ZNF33B: variants seen among roughly 807,000 people sequenced by gnomAD.
The protein encoded by ZNF33B is zinc finger protein 33B, also known as zinc finger protein 11b (KOX 2).
In ZNF33B, 29 loss-of-function variants were observed where a neutral mutation model predicts 45.8. The observed-to-expected ratio is 0.63, with a 90% confidence interval of 0.47 to 0.86. ZNF33B has a LOEUF of 0.86. Among genes scored for constraint, ZNF33B ranks in the 40% least tolerant of loss-of-function variants. The probability of loss-of-function intolerance (pLI) is 0.00; values close to 1 mark genes in which losing one functional copy is unlikely to be tolerated. For synonymous variants in ZNF33B, 305 were observed against 307.8 expected, an observed-to-expected ratio of 0.99 and a Z score of 0.10; for missense variants, 831 against 909.9, an observed-to-expected ratio of 0.91 and a Z score of 1.12.
At chr10:42,608,414 T>C (rs7069261) in intron 4 of ZNF33B, among the ~76,000 whole-genome samples, 2,551 of 152,142 alleles carry the variant, frequency 0.017, 75 homozygotes, top group African/African-American at 0.058. Context: ...TCTTTAAAAG[T>C]ACACATGAAA....
chr10:42,619,521 A>C (rs1268625178), intron 4 of ZNF33B, among the ~76,000 whole-genome samples: 3 of 152,254 alleles, frequency 2.0e-5, no homozygotes, highest in Admixed American at 6.5e-5. Context: ...AATAAAAAGA[A>C]ACTAGACTCA....
chr10:42,581,312 A>G (rs1164793114), intron 1 of ZNF33B, among the ~76,000 whole-genome samples: 1 of 151,734 alleles, frequency 6.6e-6, no homozygotes, highest in East Asian at 1.9e-4. Context: ...AAAAATACAA[A>G]AATTAGCCAG....
chr10:42,575,281 T>C (rs561970553), intron 1 of ZNF33B, among the ~76,000 whole-genome samples: 1 of 152,016 alleles, frequency 6.6e-6, no homozygotes, highest in African/African-American at 2.4e-5. Flanking sequence ...TTCACATGCA[T>C]GGACTGAGTT....
At chr10:42,575,541 C>A (rs1301893439) in intron 1 of ZNF33B, among the ~76,000 whole-genome samples, 1 of 151,928 alleles carries the variant, frequency 6.6e-6, no homozygotes, top group Non-Finnish European at 1.5e-5. Flanking sequence ...AATCAATATA[C>A]CTCTATTTTG....
chr10:42,595,356 C>T (rs1420839215), intron 4 of ZNF33B, among the ~76,000 whole-genome samples: 1 of 152,070 alleles, frequency 6.6e-6, no homozygotes, highest in Non-Finnish European at 1.5e-5. Flanking sequence ...AGAGAAGAGA[C>T]TTGGATTGTA....
intron 1 of ZNF33B, among the ~76,000 whole-genome samples, chr10:42,575,677 T>A (rs1589006696): frequency 6.6e-6 from 1 of 150,618 alleles, no homozygotes; most frequent in Non-Finnish European, 1.5e-5. Flanking sequence ...TCCCTGGTCG[T>A]GAAGACATTA....
Position 42,594,492 on chromosome 10 carries a change from G to A in ZNF33B, c.458C>T (p.Ser153Leu). The change falls in exon 5 of 5, where the codon TCA becomes TTA. Residue 153 changes from serine to leucine, a missense_variant. By Grantham distance (145) the Ser-to-Leu change is moderately radical. Transcript: ENST00000359467. Reference sequence around the variant, plus strand: ...GTTTATCTTACTGATAACCAATTCTGAAACAGTGTTGAAACTCATTCCACG... The same window carrying A: ...GTTTATCTTACTGATAACCAATTCTAAAACAGTGTTGAAACTCATTCCACG... ...DSRGMSFNTVSELVISKINYL... is the reference protein window; with the variant it reads ...DSRGMSFNTVLELVISKINYL... 2 of 1,612,980 alleles carry A rather than the reference G, an allele frequency of 1.2e-6. No homozygotes were observed. The highest frequency in any genetic ancestry group is 3.3e-5 in the Admixed American group (2 of 59,844).
At chr10:42,616,736 G>A (rs541791880) in intron 4 of ZNF33B, among the ~76,000 whole-genome samples, 47 of 152,028 alleles carry the variant, frequency 3.1e-4, no homozygotes, top group Middle Eastern at 6.8e-3. Context: ...TCGCTCTGTC[G>A]CCAGGCTGGA....
At position 42,591,215 on chromosome 10, in the gene ZNF33B, G is replaced by C. The variant is rs1270809300; in HGVS notation, c.*1398C>G. The C allele has an allele frequency of 1.1e-6, 1 of 874,606 alleles. No homozygotes were observed. The highest frequency in any genetic ancestry group is 1.8e-5 in the African/African-American group (1 of 54,452). 54.2% of individuals were successfully genotyped at this position (874,606 alleles called of 1,614,324 possible). A position where few individuals can be genotyped will look rare whatever the true frequency, so the allele number is the denominator to read the frequency against. On this transcript the variant is annotated 3_prime_UTR_variant, in exon 5 of 5. Transcript: ENST00000359467. ...AATGAAATGACAGTCCAACAGCCCT[G>C]GGCAGCAACTGGGCTGTATGTGTGG...
rs754528090 is a variant in ZNF33B, at chr10:42,583,070, C to T, written c.74-8392G>A. ...GCAGTGCAGAGTCCTCTTCTTCCAG[C>T]ACTGCAAGGGTTTAATCCAAGGTCC... On this transcript the variant is annotated intron_variant, in intron 1 of 1. Transcript: ENST00000462075. 1.7e-5 allele frequency: 14 copies of T among 825,792 alleles called. No homozygotes were observed. The South Asian group carries it at 1.9e-4, about 11-fold the overall frequency. The allele number at this position is 825,792 out of a possible 1,614,324, so 51.2% of individuals were successfully genotyped here. A position where few individuals can be genotyped will look rare whatever the true frequency, so the allele number is the denominator to read the frequency against.
chr10:42,602,952 C>G lies in ZNF33B; in HGVS notation c.251-8253G>C, dbSNP rs542086944. Reference sequence around the variant, plus strand: ...ATCTATCTCCTGCAAGCCACCAGTGCTCCTCAACCCCCACAGCTTCAAATT... The same window carrying G: ...ATCTATCTCCTGCAAGCCACCAGTGGTCCTCAACCCCCACAGCTTCAAATT... On this transcript the variant is annotated intron_variant, in intron 4 of 4. Coordinates refer to ENST00000359467, the MANE Select transcript of ZNF33B (RefSeq NM_006955.3). Among the ~76,000 whole-genome samples the G allele has an allele frequency of 1.6e-3, 238 of 152,324 alleles. 8 individuals are homozygous for G. In the South Asian group the frequency reaches 0.046, roughly 29 times the overall value.
In ZNF33B at chr10:42,592,480, C is replaced by G. The variant is rs1191808964; in HGVS notation, c.*133G>C. On this transcript the variant is annotated 3_prime_UTR_variant, in exon 5 of 5. Coordinates refer to ENST00000359467, the MANE Select transcript of ZNF33B (RefSeq NM_006955.3). ...TCTATGGGTTTATCCCCTACTGTTA[C>G]TTTGGAGTAACATAAGGCGAGTTTG... 9 of 1,279,348 alleles carry G rather than the reference C, an allele frequency of 7.0e-6. No individual in the cohort carries two copies. In the African/African-American group the frequency reaches 1.2e-4, roughly 17 times the overall value. The allele number at this position is 1,279,348 out of a possible 1,614,324, so 79.2% of individuals were successfully genotyped here. A position where few individuals can be genotyped will look rare whatever the true frequency, so the allele number is the denominator to read the frequency against.
At chr10:42,607,844 G>GT (rs1238731945) in intron 4 of ZNF33B, among the ~76,000 whole-genome samples, 2 of 152,116 alleles carry the variant, frequency 1.3e-5, no homozygotes, top group Non-Finnish European at 2.9e-5. Flanking sequence ...TCAAACCATT[G>GT]TAAGTCAGGA....
intron 4 of ZNF33B, among the ~76,000 whole-genome samples, chr10:42,600,610 T>G (rs964756517): frequency 2.0e-5 from 3 of 152,200 alleles, no homozygotes; most frequent in Non-Finnish European, 4.4e-5. Context: ...TTTTTATTTA[T>G]CTTATCCAGA....
downstream of ZNF33B, among the ~76,000 whole-genome samples, chr10:42,584,693 G>A (rs974063290): frequency 5.3e-5 from 8 of 152,082 alleles, no homozygotes; most frequent in African/African-American, 1.9e-4. Flanking sequence ...GCTAAATTTT[G>A]TATTTTTAGT....
Position 42,592,963 on chromosome 10 carries a change from TTTC to T in ZNF33B, c.1984_1986del (p.Glu662del). 1 of 1,613,884 alleles carries T rather than the reference TTTC, an allele frequency of 6.2e-7. No individual in the cohort carries two copies. The highest frequency in any genetic ancestry group is 8.5e-7 in the Non-Finnish European group (1 of 1,179,960). On this transcript the variant is annotated inframe_deletion, in exon 5 of 5. Transcript: ENST00000359467. ...CCACATTCGTTACATTTATAAGGCT[TTTC>T]TTGTGTATGGGTTCTCTGATGTACA...
At chr10:42,635,965 C>A (rs984014033) in intron 2 of ZNF33B, among the ~76,000 whole-genome samples, 1 of 151,960 alleles carries the variant, frequency 6.6e-6, no homozygotes, top group East Asian at 1.9e-4. Context: ...CCCGTCTCTA[C>A]TAAATCTACA....
intron 4 of ZNF33B, among the ~76,000 whole-genome samples, chr10:42,599,194 G>A (rs1837522477): frequency 6.6e-6 from 1 of 151,856 alleles, no homozygotes; most frequent in Admixed American, 6.6e-5. Flanking sequence ...TTTTGATATT[G>A]ATAATCTGTT....
At chr10:42,624,045 T>C (rs373276181) in intron 4 of ZNF33B, among the ~76,000 whole-genome samples, 6 of 152,244 alleles carry the variant, frequency 3.9e-5, no homozygotes, top group East Asian at 3.8e-4. Flanking sequence ...GATGCCAGCA[T>C]GGCCAGGGCC....
Sources: allele counts gnomAD v4.1 joint callset (sites outside exome capture counted in the v4.1 genomes callset), GRCh38; gene constraint gnomAD v4.1.1; transcripts MANE v1.5; gene names NCBI Gene and HGNC (gene_info 2026-07-23, HGNC 2026-07-21).